SPATA6: variants seen among roughly 807,000 people sequenced by gnomAD.
SPATA6 encodes spermatogenesis-associated protein 6.
SPATA6 carries 56 observed loss-of-function variants against 65.3 expected under a neutral mutation model. That is an observed-to-expected ratio of 0.86 (90% CI 0.69 to 1.07). The LOEUF (loss-of-function observed/expected upper bound fraction) is 1.07, where lower values mean the gene tolerates loss of function less well. Ranked by LOEUF, SPATA6 falls within the 50% of genes least tolerant of loss-of-function variation. The probability of loss-of-function intolerance (pLI) is 0.00; values close to 1 mark genes in which losing one functional copy is unlikely to be tolerated. For synonymous variants in SPATA6, 199 were observed against 213.2 expected (o/e 0.93, Z 0.58); for missense variants, 590 against 594.8 (o/e 0.99, Z 0.08).
intron 8 of SPATA6, among the ~76,000 whole-genome samples, chr1:48,394,352 C>G (rs1650371991): frequency 1.3e-5 from 2 of 152,040 alleles, no homozygotes; most frequent in Admixed American, 1.3e-4. Context: ...AAAGAAACAT[C>G]TATATTGAAG....
In SPATA6 at chr1:48,371,724, G is replaced by A. The variant is rs1338312; in HGVS notation, c.910-11954C>T. Among the ~76,000 whole-genome samples, 902 of 152,250 alleles carry A rather than the reference G, an allele frequency of 5.9e-3. 7 individuals carry two copies. Among genetic ancestry groups the A allele is most frequent in the African/African-American group, 0.02 (847 of 41,538 alleles). The stretch of plus-strand genomic sequence containing the variant: ...GTTTGCATTAGTCCATTTTCATGCT[G>A]CTGATAAAGACACACACGAGACTGG... On this transcript the variant is annotated intron_variant, in intron 9 of 12. Coordinates refer to ENST00000371847, the MANE Select transcript of SPATA6 (RefSeq NM_019073.4).
At chr1:48,372,386 C>A (rs1458391126) in intron 9 of SPATA6, among the ~76,000 whole-genome samples, 1 of 152,172 alleles carries the variant, frequency 6.6e-6, no homozygotes, top group Non-Finnish European at 1.5e-5. Context: ...AAATGATCTC[C>A]TTTGACTCCA....
At chr1:48,428,857 A>G (rs771102160) in intron 3 of SPATA6, among the ~76,000 whole-genome samples, 26 of 104,428 alleles carry the variant, frequency 2.5e-4, no homozygotes, top group East Asian at 2.1e-3. Context: ...ATATGTGTGT[A>G]TATATATATA....
the SPATA6 span, among the ~76,000 whole-genome samples, chr1:48,280,303 G>A: frequency 6.6e-6 from 1 of 152,064 alleles, no homozygotes; most frequent in Non-Finnish European, 1.5e-5. Context: ...ACATTCAAAA[G>A]CTAGCAGAAG....
chr1:48,334,087 T>A (rs951478207), intron 11 of SPATA6, among the ~76,000 whole-genome samples: 1 of 152,080 alleles, frequency 6.6e-6, no homozygotes, highest in Admixed American at 6.6e-5. Context: ...ATGGAAGAAA[T>A]TGAATCTGTG....
chr1:48,373,855 C>G (rs1647582831), intron 9 of SPATA6, among the ~76,000 whole-genome samples: 1 of 152,206 alleles, frequency 6.6e-6, no homozygotes, highest in Non-Finnish European at 1.5e-5. Flanking sequence ...CCCCATGATT[C>G]AATTACTTCC....
chr1:48,273,822 T>C, the SPATA6 span, among the ~76,000 whole-genome samples: 16 of 152,228 alleles, frequency 1.1e-4, no homozygotes, highest in Non-Finnish European at 2.1e-4. Flanking sequence ...TGTGTCTTTA[T>C]AGTAGAATGA....
intron 9 of SPATA6, among the ~76,000 whole-genome samples, chr1:48,367,913 T>C (rs555821695): frequency 7.2e-5 from 11 of 152,234 alleles, no homozygotes; most frequent in Non-Finnish European, 1.2e-4. Context: ...TAATTTGGCA[T>C]GTTTTTGCAG....
intron 11 of SPATA6, among the ~76,000 whole-genome samples, chr1:48,328,007 G>C (rs1245143939): frequency 1.3e-5 from 2 of 151,964 alleles, no homozygotes; most frequent in African/African-American, 4.8e-5. Context: ...TCGATAAAAA[G>C]ACAACCACAT....
Position 48,348,009 on chromosome 1 carries a change from A to G in SPATA6, c.1194+7661T>C, listed in dbSNP as rs568193279. On this transcript the variant is annotated intron_variant, in intron 11 of 12. Coordinates refer to ENST00000371847, the MANE Select transcript of SPATA6 (RefSeq NM_019073.4). ...AGCCTCTGAATTCTCAGAGAGGCAGATGTGAGAAATACCTCCCATCTCCTC... is the reference window on the plus strand; with the variant it reads ...AGCCTCTGAATTCTCAGAGAGGCAGGTGTGAGAAATACCTCCCATCTCCTC... Among the ~76,000 whole-genome samples the G allele has an allele frequency of 1.8e-4, 27 of 152,156 alleles. No homozygotes were observed. In the South Asian group the frequency reaches 5.6e-3, roughly 32 times the overall value.
intron 1 of SPATA6, among the ~76,000 whole-genome samples, chr1:48,467,647 G>A (rs531478315): frequency 6.6e-6 from 1 of 152,204 alleles, no homozygotes; most frequent in Admixed American, 6.5e-5. Context: ...TAAACATACA[G>A]AATGGAGAAA....
chr1:48,335,061 C>G (rs72891593), intron 11 of SPATA6, among the ~76,000 whole-genome samples: 3,738 of 151,894 alleles, frequency 0.025, 97 homozygotes, highest in African/African-American at 0.067. Flanking sequence ...AAAATACCTA[C>G]AAGTATGGCT....
intron 9 of SPATA6, among the ~76,000 whole-genome samples, chr1:48,362,589 G>T (rs1646847726): frequency 6.6e-6 from 1 of 152,090 alleles, no homozygotes; most frequent in Non-Finnish European, 1.5e-5. Context: ...AGATGAGACA[G>T]GGCATATACA....
At chr1:48,269,563 A>G in the SPATA6 span, among the ~76,000 whole-genome samples, 1 of 152,122 alleles carries the variant, frequency 6.6e-6, no homozygotes, top group Non-Finnish European at 1.5e-5. Context: ...ATGACAAAGA[A>G]TGTCCATATA....
intron 11 of SPATA6, among the ~76,000 whole-genome samples, chr1:48,319,210 A>G (rs1645527963): frequency 6.6e-6 from 1 of 152,210 alleles, no homozygotes; most frequent in East Asian, 1.9e-4. Flanking sequence ...CTAAGCAACA[A>G]TTTCTGAGAT....
At chr1:48,361,746 T>G (rs905176779) in intron 9 of SPATA6, among the ~76,000 whole-genome samples, 1 of 152,170 alleles carries the variant, frequency 6.6e-6, no homozygotes, top group East Asian at 1.9e-4. Context: ...TTGCAGGATG[T>G]CTAGGTGTAT....
chr1:48,286,493 T>G, the SPATA6 span, among the ~76,000 whole-genome samples: 1 of 152,156 alleles, frequency 6.6e-6, no homozygotes, highest in African/African-American at 2.4e-5. Context: ...TAATACTGAT[T>G]TTTTATGTGC....
At chr1:48,439,631 G>C (rs1012305042) in intron 3 of SPATA6, among the ~76,000 whole-genome samples, 4 of 152,210 alleles carry the variant, frequency 2.6e-5, no homozygotes, top group Admixed American at 2.6e-4. Context: ...AGGTTCTTGG[G>C]CAAGAGGGGA....
intron 10 of SPATA6, among the ~76,000 whole-genome samples, chr1:48,357,238 C>T (rs935956164): frequency 6.6e-6 from 1 of 152,032 alleles, no homozygotes; most frequent in Non-Finnish European, 1.5e-5. Flanking sequence ...AAAGCTCACA[C>T]AAATTTTATA....
Sources: gnomAD v4.1 joint callset for allele counts (sites outside exome capture counted in the v4.1 genomes callset) on GRCh38, gnomAD v4.1.1 for gene constraint, MANE v1.5 for transcripts, NCBI Gene and HGNC (gene_info 2026-07-23, HGNC 2026-07-21) for gene names.